Variants in PCDH15 observed in about 807,000 individuals in gnomAD.
PCDH15 encodes the protein protocadherin-15.
PCDH15 carries 129 observed loss-of-function variants against 178.5 expected under a neutral mutation model. The ratio of observed to expected loss-of-function variants is 0.72; its 90% CI spans 0.63 to 0.84. PCDH15 has a LOEUF of 0.84. PCDH15 is among the 40% of genes least tolerant of loss of function. The pLI is 0.00. For synonymous variants in PCDH15, 800 were observed against 732.0 expected, an observed-to-expected ratio of 1.09 and a Z score of -1.50; for missense variants, 2,230 against 2,099.9, an observed-to-expected ratio of 1.06 and a Z score of -1.21.
At chr10:54,415,147 T>C (rs1565212510) in intron 3 of PCDH15, among the ~76,000 whole-genome samples, 1 of 152,130 alleles carries the variant, frequency 6.6e-6, no homozygotes, top group East Asian at 1.9e-4. Context: ...CAAAATATGA[T>C]AAGAAAGTAC....
intron 2 of PCDH15, among the ~76,000 whole-genome samples, chr10:54,541,576 C>G (rs1284198221): frequency 6.6e-6 from 1 of 152,058 alleles, no homozygotes; most frequent in Non-Finnish European, 1.5e-5. Context: ...CAAAATCTTT[C>G]CAAAAGAACT....
At chr10:55,593,643 T>TAG (rs1564471457) in intron 2 of PCDH15, among the ~76,000 whole-genome samples, 2 of 151,892 alleles carry the variant, frequency 1.3e-5, no homozygotes, top group African/African-American at 4.8e-5. Flanking sequence ...TAGCTTTTTT[T>TAG]TTAACAGTAT....
intron 3 of PCDH15, among the ~76,000 whole-genome samples, chr10:54,481,386 A>C (rs2078705513): frequency 6.6e-6 from 1 of 151,776 alleles, no homozygotes; most frequent in Non-Finnish European, 1.5e-5. Flanking sequence ...TATTTCTTAC[A>C]TAACAAATGC....
At chr10:53,918,498 T>C (rs990222634) in intron 25 of PCDH15, among the ~76,000 whole-genome samples, 3 of 152,182 alleles carry the variant, frequency 2.0e-5, no homozygotes, top group South Asian at 4.1e-4. Context: ...TAAAGAATTA[T>C]TGAATAAAAC....
At chr10:54,324,515 A>G (rs1240441346) in intron 7 of PCDH15, among the ~76,000 whole-genome samples, 4 of 152,016 alleles carry the variant, frequency 2.6e-5, no homozygotes, top group Non-Finnish European at 5.9e-5. Context: ...GTAATCCCAG[A>G]ACATTGGAAG....
chr10:55,407,243 C>T (rs1336762482), intron 2 of PCDH15, among the ~76,000 whole-genome samples: 1 of 152,062 alleles, frequency 6.6e-6, no homozygotes, highest in African/African-American at 2.4e-5. Context: ...GAAAAAATAA[C>T]TGTATATTCG....
At chr10:54,321,388 T>A (rs1319561837) in intron 7 of PCDH15, among the ~76,000 whole-genome samples, 5 of 150,140 alleles carry the variant, frequency 3.3e-5, no homozygotes, top group Admixed American at 2.0e-4. Context: ...TAAATTTAAT[T>A]TATAAAAATA....
intron 2 of PCDH15, among the ~76,000 whole-genome samples, chr10:54,564,611 T>C (rs1456925795): frequency 6.6e-6 from 1 of 152,134 alleles, no homozygotes; most frequent in Non-Finnish European, 1.5e-5. Flanking sequence ...TGGTGTGAAT[T>C]AGGTGGCAAA....
intron 1 of PCDH15, among the ~76,000 whole-genome samples, chr10:55,311,371 G>T (rs915344937): frequency 1.3e-5 from 2 of 152,136 alleles, no homozygotes; most frequent in Non-Finnish European, 2.9e-5. Flanking sequence ...ATTCAGTCCT[G>T]CATTCAAGAG....
intron 15 of PCDH15, among the ~76,000 whole-genome samples, chr10:54,098,033 G>A (rs1350181573): frequency 6.6e-6 from 1 of 152,126 alleles, no homozygotes; most frequent in Admixed American, 6.6e-5. Context: ...ACTGAAGGAA[G>A]TACAGCATTT....
intron 2 of PCDH15, among the ~76,000 whole-genome samples, chr10:55,608,067 G>C (rs574774798): frequency 2.0e-5 from 3 of 151,958 alleles, no homozygotes; most frequent in Non-Finnish European, 4.4e-5. Context: ...AGAAACCTTT[G>C]GTTTGTAGAT....
intron 14 of PCDH15, among the ~76,000 whole-genome samples, chr10:54,143,365 CTT>C (rs1430402572): frequency 6.6e-6 from 1 of 152,122 alleles, no homozygotes; most frequent in Non-Finnish European, 1.5e-5. Flanking sequence ...CTATGACTCT[CTT>C]AAGACTTTTG....
chr10:53,879,453 A>G (rs2080529016), intron 26 of PCDH15, among the ~76,000 whole-genome samples: 1 of 152,174 alleles, frequency 6.6e-6, no homozygotes, highest in African/African-American at 2.4e-5. Flanking sequence ...ATGAAGACTA[A>G]TGTAACTAAG....
At chr10:55,411,277 G>T (rs533638892) in intron 2 of PCDH15, among the ~76,000 whole-genome samples, 1 of 152,002 alleles carries the variant, frequency 6.6e-6, no homozygotes, top group South Asian at 2.1e-4. Context: ...CAAAGAAAAT[G>T]ACATTATCTT....
At chr10:55,383,207 TC>T in intron 2 of PCDH15, among the ~76,000 whole-genome samples, 1 of 152,064 alleles carries the variant, frequency 6.6e-6, no homozygotes, top group East Asian at 1.9e-4. Context: ...CCAGCCAGGC[TC>T]CTCTCCAAAG....
At position 54,570,541 on chromosome 10, in the gene PCDH15, C is replaced by T. The variant is rs186450383; in HGVS notation, c.92-42664G>A. On this transcript the variant is annotated intron_variant, in intron 2 of 37. Transcript: ENST00000644397. ...TAAACTATTTCTTGTGGGATTTTCA[C>T]ATTGGATTTCTATTTTTTAAATATT... Among the ~76,000 whole-genome samples the T allele has an allele frequency of 9.0e-4, 137 of 152,068 alleles. 1 individual carries two copies. The highest frequency in any genetic ancestry group is 3.4e-3 in the Middle Eastern group (1 of 294).
chr10:54,748,151 C>T (rs1158750173), intron 1 of PCDH15, among the ~76,000 whole-genome samples: 1 of 152,000 alleles, frequency 6.6e-6, no homozygotes, highest in Admixed American at 6.6e-5. Flanking sequence ...TGTCTAGAGC[C>T]CTTCACTCAA....
At chr10:55,455,410 T>C (rs763646937) in intron 2 of PCDH15, among the ~76,000 whole-genome samples, 26 of 152,186 alleles carry the variant, frequency 1.7e-4, no homozygotes, top group Non-Finnish European at 3.2e-4. Flanking sequence ...GATCATGTTA[T>C]ACCAAGCAAA....
intron 2 of PCDH15, among the ~76,000 whole-genome samples, chr10:54,955,164 T>G (rs1838451499): frequency 6.6e-6 from 1 of 151,314 alleles, no homozygotes; most frequent in African/African-American, 2.4e-5. Context: ...GCTGTTTTCC[T>G]TGACTAAAAT....
Sources: allele counts gnomAD v4.1 joint callset (sites outside exome capture counted in the v4.1 genomes callset), GRCh38; gene constraint gnomAD v4.1.1; transcripts MANE v1.5; gene names NCBI Gene and HGNC (gene_info 2026-07-23, HGNC 2026-07-21).